Variants in SLCO1A2 observed in about 807,000 individuals in gnomAD.
SLCO1A2 encodes OATP-1.
Under a neutral mutation model 69.0 loss-of-function variants are expected in SLCO1A2, and 67 were observed. The ratio of observed to expected loss-of-function variants is 0.97; its 90% CI spans 0.80 to 1.19. SLCO1A2 has a LOEUF of 1.19. Ranked by LOEUF, SLCO1A2 falls within the 50% of genes most tolerant of loss-of-function variation. SLCO1A2 has a pLI of 0.00. For synonymous variants in SLCO1A2, 260 were observed against 265.9 expected, an observed-to-expected ratio of 0.98 and a Z score of 0.22; for missense variants, 787 against 793.7, an observed-to-expected ratio of 0.99 and a Z score of 0.10.
chr12:21,395,707 C>G (rs1352296177), upstream of SLCO1A2, among the ~76,000 whole-genome samples: 3 of 152,126 alleles, frequency 2.0e-5, no homozygotes, highest in African/African-American at 7.2e-5. Context: ...TCAAGTGGGT[C>G]CCTGACCCCT....
intron 9 of SLCO1A2, among the ~76,000 whole-genome samples, chr12:21,296,854 G>A (rs1591807724): frequency 6.6e-6 from 1 of 152,168 alleles, no homozygotes; most frequent in East Asian, 1.9e-4. Flanking sequence ...GTGGATACAA[G>A]TAGCCTGGGA....
Position 21,372,741 on chromosome 12 carries a change from T to C in SLCO1A2, c.-63+1658A>G, listed in dbSNP as rs1423290314. 6 of 154,456 alleles carry C rather than the reference T, an allele frequency of 3.9e-5. No individual in the cohort carries two copies. The East Asian group carries it at 1.1e-3, about 29-fold the overall frequency. The allele number at this position is 154,456 out of a possible 1,614,324, so 9.6% of individuals were successfully genotyped here. ...GTGTATTTGCTACGTTAATATTTAC[T>C]GATGAGTTAATGTAATAATGACCCA... On this transcript the variant is annotated intron_variant, in intron 2 of 15. Transcript: ENST00000307378.
At chr12:21,329,395 G>A (rs571477416) in intron 2 of SLCO1A2, among the ~76,000 whole-genome samples, 1 of 152,090 alleles carries the variant, frequency 6.6e-6, no homozygotes, top group East Asian at 1.9e-4. Context: ...CTTGAGCTGG[G>A]ACAGACCCAC....
rs535468736 is a variant in SLCO1A2 at position 21,267,387 on chromosome 12, G to A, written c.*2161C>T. ...TAGGGATGATGAATGGGCCTCAGGA[G>A]CTTGAGTAAGTTTTTGCTTATTCAG... On this transcript the variant is annotated 3_prime_UTR_variant, in exon 15 of 15. Transcript: ENST00000683939. 1.3e-5 allele frequency: 2 copies of A among 152,234 alleles called. No homozygotes were observed. The highest frequency in any genetic ancestry group is 3.9e-4 in the East Asian group (2 of 5,168). 9.4% of individuals were successfully genotyped at this position (152,234 alleles called of 1,614,324 possible). A position where few individuals can be genotyped will look rare whatever the true frequency, so the allele number is the denominator to read the frequency against.
At chr12:21,330,127 T>C (rs765446527) in intron 2 of SLCO1A2, among the ~76,000 whole-genome samples, 2 of 152,042 alleles carry the variant, frequency 1.3e-5, no homozygotes, top group African/African-American at 2.4e-5. Flanking sequence ...ATAACAGACA[T>C]ACAGACAAAA....
intron 12 of SLCO1A2, among the ~76,000 whole-genome samples, chr12:21,290,957 A>G (rs1315818601): frequency 1.3e-5 from 2 of 152,204 alleles, no homozygotes; most frequent in Non-Finnish European, 2.9e-5. Context: ...CATCAAATTC[A>G]TCAAGAAAAA....
intron 2 of SLCO1A2, among the ~76,000 whole-genome samples, chr12:21,329,720 T>A (rs1263146483): frequency 6.7e-6 from 1 of 149,736 alleles, no homozygotes; most frequent in African/African-American, 2.5e-5. Flanking sequence ...GTTTTATCTA[T>A]ATAATATTTT....
Position 21,308,524 on chromosome 12 carries a change from T to G in SLCO1A2, c.336-1536A>C, listed in dbSNP as rs1241132052. Among the ~76,000 whole-genome samples, 4 of 152,204 alleles carry G rather than the reference T, an allele frequency of 2.6e-5. No homozygotes were observed. The East Asian group carries it at 7.7e-4, about 29-fold the overall frequency. On this transcript the variant is annotated intron_variant, in intron 4 of 14. Coordinates refer to ENST00000683939, the MANE Select transcript of SLCO1A2 (RefSeq NM_001386879.1). ...ACATTCAACTCCCAGAGACATCCCCTGCCACTCCAGCTGAAAATGTTCATT... is the reference window on the plus strand; with the variant it reads ...ACATTCAACTCCCAGAGACATCCCCGGCCACTCCAGCTGAAAATGTTCATT...
chr12:21,355,573 C>G (rs973918692), intron 2 of SLCO1A2, among the ~76,000 whole-genome samples: 4 of 152,136 alleles, frequency 2.6e-5, no homozygotes, highest in African/African-American at 9.7e-5. Flanking sequence ...CTATATTACC[C>G]TTAATCCCCC....
intron 1 of SLCO1A2, among the ~76,000 whole-genome samples, chr12:21,406,783 T>C (rs1395264360): frequency 1.3e-5 from 2 of 152,150 alleles, no homozygotes; most frequent in Non-Finnish European, 2.9e-5. Context: ...GTAGTTGATA[T>C]TAGGTTAGCA....
chr12:21,416,592 T>C (rs1204549218), intron 1 of SLCO1A2, among the ~76,000 whole-genome samples: 1 of 152,070 alleles, frequency 6.6e-6, no homozygotes, highest in Non-Finnish European at 1.5e-5. Context: ...TTTAATTGTC[T>C]GCAGGCTGGT....
At chr12:21,387,181 T>G (rs1274518469) in intron 1 of SLCO1A2, among the ~76,000 whole-genome samples, 3 of 152,202 alleles carry the variant, frequency 2.0e-5, no homozygotes, top group Non-Finnish European at 4.4e-5. Flanking sequence ...CATAAAAGTT[T>G]GGAAAACTTG....
upstream of SLCO1A2, among the ~76,000 whole-genome samples, chr12:21,418,591 C>T (rs935513286): frequency 2.0e-5 from 3 of 152,098 alleles, no homozygotes; most frequent in African/African-American, 7.2e-5. Flanking sequence ...GGGAAAACCC[C>T]TTATAAAACC....
chr12:21,316,204 C>T (rs1380028679), intron 3 of SLCO1A2, among the ~76,000 whole-genome samples: 3 of 152,184 alleles, frequency 2.0e-5, no homozygotes, highest in Non-Finnish European at 4.4e-5. Flanking sequence ...ATCTGACCAC[C>T]CAACACTAAA....
intron 12 of SLCO1A2, among the ~76,000 whole-genome samples, chr12:21,285,743 G>T (rs1376942503): frequency 2.7e-5 from 4 of 149,660 alleles, no homozygotes; most frequent in Non-Finnish European, 1.5e-5. Context: ...TATAAACAGA[G>T]CCAAAGACAA....
chr12:21,385,093 T>C (rs1398919758), intron 1 of SLCO1A2, among the ~76,000 whole-genome samples: 2 of 152,182 alleles, frequency 1.3e-5, no homozygotes, highest in Non-Finnish European at 2.9e-5. Flanking sequence ...CTTTTTTACC[T>C]TCATGGACAT....
chr12:21,397,392 A>G (rs569049532), upstream of SLCO1A2, among the ~76,000 whole-genome samples: 13 of 152,304 alleles, frequency 8.5e-5, no homozygotes, highest in African/African-American at 3.1e-4. Flanking sequence ...AGTGACCTAC[A>G]AAGAGATTTA....
intron 4 of SLCO1A2, among the ~76,000 whole-genome samples, chr12:21,311,012 T>C (rs1950078152): frequency 6.6e-6 from 1 of 152,232 alleles, no homozygotes; most frequent in Admixed American, 6.5e-5. Flanking sequence ...TGTGTAATGT[T>C]CTAAAACATT....
At chr12:21,312,359 C>G (rs1950335215) in intron 4 of SLCO1A2, among the ~76,000 whole-genome samples, 1 of 152,222 alleles carries the variant, frequency 6.6e-6, no homozygotes, top group African/African-American at 2.4e-5. Context: ...TCTTGCTCTT[C>G]TGGCTCAAGG....
Sources: allele counts gnomAD v4.1 joint callset (sites outside exome capture counted in the v4.1 genomes callset), GRCh38; gene constraint gnomAD v4.1.1; transcripts MANE v1.5; gene names NCBI Gene and HGNC (gene_info 2026-07-23, HGNC 2026-07-21).